GNAI2: variants seen among roughly 807,000 people sequenced by gnomAD.
The protein encoded by GNAI2 is G protein subunit alpha i2.
In GNAI2, 4 loss-of-function variants were observed where a neutral mutation model predicts 36.8. That is an observed-to-expected ratio of 0.11 (90% CI 0.05 to 0.25). GNAI2 has a LOEUF of 0.25. Among genes scored for constraint, GNAI2 ranks in the 10% least tolerant of loss-of-function variants. The probability of loss-of-function intolerance (pLI) is 1.00; values close to 1 mark genes in which losing one functional copy is unlikely to be tolerated. For synonymous variants in GNAI2, 194 were observed against 194.1 expected (o/e 1.00, Z 0.01); for missense variants, 230 against 481.3 (o/e 0.48, Z 4.89).
At chr3:50,249,130 C>T (rs907875300) in intron 1 of GNAI2, among the ~76,000 whole-genome samples, 2 of 152,156 alleles carry the variant, frequency 1.3e-5, no homozygotes, top group South Asian at 2.1e-4. Context: ...CCTCAGGTCC[C>T]CCATGCCCTG....
In GNAI2 at chr3:50,253,712, C is replaced by T. The variant is rs1700620916; in HGVS notation, c.464+528C>T. Among the ~76,000 whole-genome samples the T allele has an allele frequency of 6.6e-6, 1 of 152,214 alleles. No homozygotes were observed. Among genetic ancestry groups the T allele is most frequent in the Admixed American group, 6.5e-5 (1 of 15,286 alleles). The stretch of plus-strand genomic sequence containing the variant: ...TGAGCGGAGATTGCGCCACTGCACT[C>T]TAGCTTGGGTGACAGAGCAAGACTC... On this transcript the variant is annotated intron_variant, in intron 4 of 8. Transcript: ENST00000313601. The surrounding 1 kb of genome is among the most constrained non-coding windows in gnomAD (Gnocchi z 4.2).
chr3:50,239,436 C>G (rs898352056), intron 1 of GNAI2, among the ~76,000 whole-genome samples: 7 of 152,238 alleles, frequency 4.6e-5, no homozygotes, highest in African/African-American at 1.7e-4. Flanking sequence ...TGCTTCCCCC[C>G]TCAGATGCCT....
chr3:50,256,209 A>C lies in GNAI2; in HGVS notation c.482A>C (p.Glu161Ala), dbSNP rs1279972413. 6 of 1,050,894 alleles carry C rather than the reference A, an allele frequency of 5.7e-6. No individual in the cohort carries two copies. Among genetic ancestry groups the C allele is most frequent in the Non-Finnish European group, 8.1e-6 (6 of 741,040 alleles). The allele number at this position is 1,050,894 out of a possible 1,614,324, so 65.1% of individuals were successfully genotyped here. A position where few individuals can be genotyped will look rare whatever the true frequency, so the allele number is the denominator to read the frequency against. ...ATCCCCAGCTACCTGAACGACCTGG[A>C]GCGTATTGCACAGAGTGACTACATC... ...DSAAYYLNDL[E>A]RIAQSDYIPT... is the part of the protein sequence containing the mutation. Residue 161 changes from glutamate to alanine, a missense_variant, in exon 5 of 9, where the codon GAG becomes GCG. By Grantham distance (107) the Glu-to-Ala change is moderately radical. Coordinates refer to ENST00000313601, the MANE Select transcript of GNAI2 (RefSeq NM_002070.4).
upstream of GNAI2, among the ~76,000 whole-genome samples, chr3:50,232,219 A>T (rs1246432731): frequency 1.3e-5 from 2 of 152,124 alleles, no homozygotes; most frequent in Admixed American, 1.3e-4. Flanking sequence ...AATCCCAGCT[A>T]CTTGGGGAGC....
chr3:50,227,701 T>A (rs587743273), upstream of GNAI2, among the ~76,000 whole-genome samples: 4 of 152,160 alleles, frequency 2.6e-5, no homozygotes, highest in Admixed American at 6.5e-5. The surrounding 1 kb of genome is among the most constrained non-coding windows in gnomAD (Gnocchi z 5.9). Flanking sequence ...GGTGAAGAAC[T>A]AGGAGGTTGC....
At position 50,258,777 on chromosome 3, in the gene GNAI2, C is replaced by T. The variant is rs1033800690; in HGVS notation, c.*434C>T. On this transcript the variant is annotated 3_prime_UTR_variant, in exon 9 of 9. Transcript: ENST00000313601. ...TACAGGGAGCCTCCTGCCCAGTCCC[C>T]CAACCCCAGCCGCTCGGAGGCCCCA... 1.0e-5 allele frequency: 4 copies of T among 384,698 alleles called. No homozygotes were observed. Among genetic ancestry groups the T allele is most frequent in the African/African-American group, 4.3e-5 (2 of 47,058 alleles). 23.8% of individuals were successfully genotyped at this position (384,698 alleles called of 1,614,324 possible). A position where few individuals can be genotyped will look rare whatever the true frequency, so the allele number is the denominator to read the frequency against.
upstream of GNAI2, among the ~76,000 whole-genome samples, chr3:50,234,356 C>CT (rs1402222902): frequency 0.012 from 1,617 of 134,290 alleles, 20 homozygotes; most frequent in African/African-American, 0.036. Context: ...CGTGCCCGGT[C>CT]TTTTTTTTTT....
chr3:50,241,561 C>T lies in GNAI2; in HGVS notation c.118+5108C>T, dbSNP rs1700300188. Among the ~76,000 whole-genome samples the T allele has an allele frequency of 6.6e-6, 1 of 152,174 alleles. No individual in the cohort carries two copies. Among genetic ancestry groups the T allele is most frequent in the African/African-American group, 2.4e-5 (1 of 41,438 alleles). Reference sequence around the variant, plus strand: ...TAAGGGATACCTCTGAGCTGAGAGACTAGGTGAATCAGGGCAGCTGGAGCT... The same window carrying T: ...TAAGGGATACCTCTGAGCTGAGAGATTAGGTGAATCAGGGCAGCTGGAGCT... On this transcript the variant is annotated intron_variant, in intron 1 of 8. Coordinates refer to ENST00000313601, the MANE Select transcript of GNAI2 (RefSeq NM_002070.4). This position sits in a 1 kb window ranked among gnomAD's most constrained non-coding sequence, Gnocchi z 5.0.
chr3:50,256,184 A>ACC lies in GNAI2; in HGVS notation c.465-8_465-7insCC. On this transcript the variant is annotated splice_region_variant and splice_polypyrimidine_tract_variant and intron_variant, in intron 4 of 8. Transcript: ENST00000313601. ...GCCCCCACTGACCCTCCCACCCCCC[A>ACC]TCCCCAGCTACCTGAACGACCTGGA... 1 of 345,158 alleles carries ACC rather than the reference A, an allele frequency of 2.9e-6. No homozygotes were observed. The highest frequency in any genetic ancestry group is 5.0e-6 in the Non-Finnish European group (1 of 199,492). 21.4% of individuals were successfully genotyped at this position (345,158 alleles called of 1,614,324 possible). A position where few individuals can be genotyped will look rare whatever the true frequency, so the allele number is the denominator to read the frequency against.
upstream of GNAI2, among the ~76,000 whole-genome samples, chr3:50,234,583 C>T (rs1553700114): frequency 7.2e-5 from 11 of 152,156 alleles, no homozygotes; most frequent in Non-Finnish European, 1.5e-5. Flanking sequence ...AACTCCTGAC[C>T]TCAAGAGATC....
intron 1 of GNAI2, chr3:50,251,811 C>G (rs1700564698): frequency 7.7e-7 from 1 of 1,296,670 alleles, no homozygotes; most frequent in Admixed American, 3.0e-5. Flanking sequence ...CAGCCAAGAC[C>G]CCCCAGGACA....
At chr3:50,257,407 C>T in intron 7 of GNAI2, 93 bp from the exon 8 acceptor site, 2 of 815,294 alleles carry the variant, frequency 2.5e-6, no homozygotes, top group Admixed American at 2.8e-5. Flanking sequence ...GGTTGTATGC[C>T]TGGCCGTCCA....
Position 50,242,619 on chromosome 3 carries a change from C to T in GNAI2, c.118+6166C>T, listed in dbSNP as rs192601578. 6.6e-6 allele frequency among the ~76,000 whole-genome samples: 1 copy of T among 152,266 alleles called. No homozygotes were observed. Among genetic ancestry groups the T allele is most frequent in the East Asian group, 1.9e-4 (1 of 5,176 alleles). ...TCTTACTAAACCCCAACCCCACCCT[C>T]ACCCTGATGTTACTTCTTGGGGCTG... On this transcript the variant is annotated intron_variant, in intron 1 of 8. Coordinates refer to ENST00000313601, the MANE Select transcript of GNAI2 (RefSeq NM_002070.4). This position sits in a 1 kb window ranked among gnomAD's most constrained non-coding sequence, Gnocchi z 4.8.
chr3:50,237,623 G>A (rs1700206712), intron 1 of GNAI2, among the ~76,000 whole-genome samples: 1 of 151,780 alleles, frequency 6.6e-6, no homozygotes, highest in Non-Finnish European at 1.5e-5. Context: ...GAGTTGAGGG[G>A]CCAGCTGGGG....
Position 50,253,269 on chromosome 3 carries a change from A to C in GNAI2, c.464+85A>C. The C allele has an allele frequency of 5.5e-6, 6 of 1,093,522 alleles. No individual in the cohort carries two copies. Among genetic ancestry groups the C allele is most frequent in the African/African-American group, 1.5e-5 (1 of 64,778 alleles). The allele number at this position is 1,093,522 out of a possible 1,614,324, so 67.7% of individuals were successfully genotyped here. On this transcript the variant is annotated intron_variant, in intron 4 of 8. Transcript: ENST00000313601. The surrounding 1 kb of genome is among the most constrained non-coding windows in gnomAD (Gnocchi z 4.2). ...GACCGGAGGGCCTGAGAACCCCCAGAAGGACACTGCTGGTCTTTGCTTATG... is the reference window on the plus strand; with the variant it reads ...GACCGGAGGGCCTGAGAACCCCCAGCAGGACACTGCTGGTCTTTGCTTATG...
intron 4 of GNAI2, 118 bp from the exon 5 acceptor site, chr3:50,256,074 G>T: frequency 1.2e-5 from 2 of 164,094 alleles, no homozygotes; most frequent in Non-Finnish European, 1.1e-5. Context: ...AAAAAAAAAA[G>T]CAAGGGCTGT....
At chr3:50,250,621 C>G (rs1407996088) in intron 1 of GNAI2, among the ~76,000 whole-genome samples, 1 of 152,164 alleles carries the variant, frequency 6.6e-6, no homozygotes, top group East Asian at 1.9e-4. Flanking sequence ...CAACCTGGAG[C>G]TCAAGACAAG....
Position 50,258,433 on chromosome 3 carries a change from G to A in GNAI2, c.*90G>A, listed in dbSNP as rs1051610385. ...TGGGGGCAAGAAGATCACGCTCCCC[G>A]CCTGTTCCCCCGCCGCTTTTCTCCT... On this transcript the variant is annotated 3_prime_UTR_variant, in exon 9 of 9. Transcript: ENST00000313601. 1.6e-4 allele frequency: 25 copies of A among 155,866 alleles called. No individual in the cohort carries two copies. The highest frequency in any genetic ancestry group is 3.3e-3 in the Middle Eastern group (1 of 304). The allele number at this position is 155,866 out of a possible 1,614,324, so 9.7% of individuals were successfully genotyped here.
At chr3:50,229,919 G>A (rs587621851), upstream of GNAI2, 1 of 152,396 alleles carries the variant, frequency 6.6e-6, no homozygotes, top group South Asian at 2.1e-4. Context: ...ATATGTTCAG[G>A]GAACAGTGGT....
Sources: allele counts gnomAD v4.1 joint callset (sites outside exome capture counted in the v4.1 genomes callset), GRCh38; gene constraint gnomAD v4.1.1; non-coding constraint Gnocchi (gnomAD v3.1); transcripts MANE v1.5; gene names NCBI Gene and HGNC (gene_info 2026-07-23, HGNC 2026-07-21).